Variants in PIWIL1 observed in about 807,000 individuals in gnomAD.
PIWIL1 encodes the protein piwi like RNA-mediated gene silencing 1.
A neutral mutation model predicts 114.4 loss-of-function variants in PIWIL1; 73 were observed. The ratio of observed to expected loss-of-function variants is 0.64; its 90% CI spans 0.53 to 0.78. The LOEUF is 0.78. Among genes scored for constraint, PIWIL1 ranks in the 30% least tolerant of loss-of-function variants. PIWIL1 has a pLI of 0.00. For missense variants in PIWIL1, 723 were observed against 1,063.1 expected (o/e 0.68, Z 4.45); for synonymous variants, 375 against 369.0 (o/e 1.02, Z -0.19).
the PIWIL1 span, among the ~76,000 whole-genome samples, chr12:130,401,115 T>TATC: frequency 6.0e-3 from 916 of 151,862 alleles, 14 homozygotes; most frequent in African/African-American, 0.02. Context: ...AATGATTTTA[T>TATC]ATCTTTTTTT....
At chr12:130,412,907 C>T in the PIWIL1 span, 1 of 957,770 alleles carries the variant, frequency 1.0e-6, no homozygotes, top group Non-Finnish European at 1.5e-6. Context: ...TTAAAAATAC[C>T]ATAAATCACC....
chr12:130,374,183 G>C (rs2073848900), downstream of PIWIL1, among the ~76,000 whole-genome samples: 1 of 152,174 alleles, frequency 6.6e-6, no homozygotes, highest in South Asian at 2.1e-4. Context: ...CATTCCCTAA[G>C]TCCTACAGGA....
chr12:130,359,345 A>G (rs7295304), intron 14 of PIWIL1, among the ~76,000 whole-genome samples: 151,322 of 152,298 alleles, frequency 0.99, 75,184 homozygotes, highest in East Asian at 1. Context: ...TAGTGGAAGA[A>G]AGTAGGGCTT....
At chr12:130,395,382 G>A in the PIWIL1 span, among the ~76,000 whole-genome samples, 1 of 152,296 alleles carries the variant, frequency 6.6e-6, no homozygotes, top group East Asian at 1.9e-4. Context: ...AATTAAATGT[G>A]ACTTAAGCAC....
the PIWIL1 span, among the ~76,000 whole-genome samples, chr12:130,394,065 G>C: frequency 6.6e-6 from 1 of 152,196 alleles, no homozygotes; most frequent in Non-Finnish European, 1.5e-5. Context: ...ATGCATGTGG[G>C]TGGAAAGCCT....
chr12:130,394,915 G>A, the PIWIL1 span, among the ~76,000 whole-genome samples: 3 of 148,084 alleles, frequency 2.0e-5, no homozygotes, highest in East Asian at 5.9e-4. Flanking sequence ...AAGAATTTAG[G>A]TATAGTTGTT....
the PIWIL1 span, among the ~76,000 whole-genome samples, chr12:130,401,347 C>T: frequency 7.2e-5 from 11 of 152,252 alleles, no homozygotes; most frequent in Admixed American, 6.5e-4. Context: ...AACTCCTGAC[C>T]TCAGGTGATC....
intron 2 of PIWIL1, 21 bp downstream of exon 2, chr12:130,342,690 G>C: frequency 1.9e-6 from 3 of 1,581,176 alleles, no homozygotes; most frequent in Non-Finnish European, 2.6e-6. Flanking sequence ...CACCGTTTCT[G>C]ACTACAGAAA....
intron 14 of PIWIL1, among the ~76,000 whole-genome samples, chr12:130,360,163 C>A (rs952102873): frequency 5.3e-5 from 8 of 152,170 alleles, no homozygotes; most frequent in African/African-American, 1.9e-4. Flanking sequence ...GAATTGGCTT[C>A]TTCTAATGTG....
At chr12:130,391,125 A>G in the PIWIL1 span, among the ~76,000 whole-genome samples, 1 of 152,016 alleles carries the variant, frequency 6.6e-6, no homozygotes, top group African/African-American at 2.4e-5. Context: ...CCTGCTTCCT[A>G]CTAAGTTCCT....
the PIWIL1 span, among the ~76,000 whole-genome samples, chr12:130,418,643 T>C: frequency 1.3e-5 from 2 of 152,160 alleles, no homozygotes; most frequent in Non-Finnish European, 2.9e-5. Flanking sequence ...TGTGGCAAGT[T>C]TGTGGCATCA....
At chr12:130,393,167 G>A in the PIWIL1 span, among the ~76,000 whole-genome samples, 120 of 126,720 alleles carry the variant, frequency 9.5e-4, no homozygotes, top group Non-Finnish European at 1.1e-3. Context: ...ACGTGTGTCC[G>A]TCAGTTACCT....
downstream of PIWIL1, among the ~76,000 whole-genome samples, chr12:130,375,798 C>A (rs1373885456): frequency 6.6e-6 from 1 of 152,088 alleles, no homozygotes; most frequent in Non-Finnish European, 1.5e-5. Flanking sequence ...TCTTTCCTCC[C>A]CATCCTCTCT....
At chr12:130,424,642 C>T in the PIWIL1 span, 40 of 1,231,790 alleles carry the variant, frequency 3.2e-5, no homozygotes, top group South Asian at 2.1e-4. The surrounding 1 kb of genome is among the most constrained non-coding windows in gnomAD (Gnocchi z 9.8). Context: ...CGAGGGGCCT[C>T]GTCGCCCCTG....
downstream of PIWIL1, among the ~76,000 whole-genome samples, chr12:130,377,632 G>T (rs774371705): frequency 5.9e-5 from 9 of 152,228 alleles, no homozygotes; most frequent in Non-Finnish European, 1.3e-4. Flanking sequence ...CTTCATGGGT[G>T]CCTGGAGGAG....
the PIWIL1 span, among the ~76,000 whole-genome samples, chr12:130,421,186 G>A: frequency 6.6e-6 from 1 of 152,166 alleles, no homozygotes; most frequent in African/African-American, 2.4e-5. Context: ...AACGACACAC[G>A]AATTGAATGA....
In PIWIL1 at chr12:130,353,302, T is replaced by C. The variant is rs1352424589; in HGVS notation, c.1045-1235T>C. On this transcript the variant is annotated intron_variant, in intron 9 of 20. Coordinates refer to ENST00000245255, the MANE Select transcript of PIWIL1 (RefSeq NM_004764.5). Reference sequence around the variant, plus strand: ...GTGGTTTTTTGTTCTTCTGGTGTGCTCAGTGGAGGTGTGTGGTTTTTTCTT... The same window carrying C: ...GTGGTTTTTTGTTCTTCTGGTGTGCCCAGTGGAGGTGTGTGGTTTTTTCTT... 1.5e-4 allele frequency among the ~76,000 whole-genome samples: 19 copies of C among 124,424 alleles called. 1 individual carries two copies. Among genetic ancestry groups the C allele is most frequent in the African/African-American group, 5.3e-4 (19 of 35,614 alleles). 81.6% of individuals were successfully genotyped at this position (124,424 alleles called of 152,430 possible).
the PIWIL1 span, among the ~76,000 whole-genome samples, chr12:130,395,314 G>C: frequency 1.1e-4 from 17 of 152,166 alleles, no homozygotes; most frequent in Admixed American, 1.3e-4. Context: ...ACCAGAAAAG[G>C]GAGATTGCTG....
chr12:130,343,738 G>A (rs988264030), intron 3 of PIWIL1, among the ~76,000 whole-genome samples: 1 of 149,724 alleles, frequency 6.7e-6, no homozygotes, highest in Non-Finnish European at 1.5e-5. Flanking sequence ...CCATTCTCCT[G>A]CCTCAGCCTC....
Sources: allele counts gnomAD v4.1 joint callset (sites outside exome capture counted in the v4.1 genomes callset), GRCh38; gene constraint gnomAD v4.1.1; non-coding constraint Gnocchi (gnomAD v3.1); transcripts MANE v1.5; gene names NCBI Gene and HGNC (gene_info 2026-07-23, HGNC 2026-07-21).